SLCO1C1: variants seen among roughly 807,000 people sequenced by gnomAD.
SLCO1C1 encodes OAT-RP-5.
SLCO1C1 carries 70 observed loss-of-function variants against 76.4 expected under a neutral mutation model. The ratio of observed to expected loss-of-function variants is 0.92; its 90% CI spans 0.76 to 1.12. The LOEUF (loss-of-function observed/expected upper bound fraction) is 1.12, where lower values mean the gene tolerates loss of function less well. SLCO1C1 is among the 50% of genes most tolerant of loss of function. SLCO1C1 has a pLI of 0.00. For synonymous variants in SLCO1C1, 306 were observed against 286.1 expected, an observed-to-expected ratio of 1.07 and a Z score of -0.70; for missense variants, 912 against 823.8, an observed-to-expected ratio of 1.11 and a Z score of -1.31.
chr12:20,740,997 A>G (rs1253789795), intron 12 of SLCO1C1, among the ~76,000 whole-genome samples: 1 of 151,882 alleles, frequency 6.6e-6, no homozygotes, highest in Non-Finnish European at 1.5e-5. Context: ...ATTGACTCAC[A>G]GTTCCGCATG....
At chr12:20,728,072 G>A (rs766503112) in intron 9 of SLCO1C1, among the ~76,000 whole-genome samples, 1 of 152,142 alleles carries the variant, frequency 6.6e-6, no homozygotes, top group Admixed American at 6.5e-5. Context: ...TGAGGACAAA[G>A]ACATAAATTC....
chr12:20,746,783 T>C (rs972130591), intron 13 of SLCO1C1, among the ~76,000 whole-genome samples: 2 of 151,214 alleles, frequency 1.3e-5, no homozygotes, highest in African/African-American at 4.8e-5. Flanking sequence ...AAATCCAGAA[T>C]GTGGCATATC....
intron 11 of SLCO1C1, among the ~76,000 whole-genome samples, chr12:20,738,682 AG>A (rs533256983): frequency 7.2e-5 from 11 of 152,096 alleles, no homozygotes; most frequent in Non-Finnish European, 1.3e-4. Flanking sequence ...AGCTGCATGA[AG>A]GTTTTTTTGT....
In SLCO1C1 at chr12:20,721,524, A is replaced by G. The variant is rs140431456; in HGVS notation, c.776-280A>G. ...AATGCTGTTGCATACTTAATAGACT[A>G]CAGTATAGTTAAACATAACTTTTGT... On this transcript the variant is annotated intron_variant, in intron 7 of 14. Transcript: ENST00000266509. 1.5e-3 allele frequency among the ~76,000 whole-genome samples: 226 copies of G among 152,290 alleles called. 5 individuals are homozygous for G. In the East Asian group the frequency reaches 0.031, roughly 21 times the overall value.
chr12:20,733,245 C>A, intron 10 of SLCO1C1, 141 bp downstream of exon 10: 1 of 739,558 alleles, frequency 1.4e-6, no homozygotes, highest in Non-Finnish European at 2.0e-6. Flanking sequence ...GAATAACTGA[C>A]AATACCTAGA....
intron 5 of SLCO1C1, among the ~76,000 whole-genome samples, chr12:20,712,053 C>T (rs1467581897): frequency 2.0e-5 from 3 of 152,148 alleles, no homozygotes; most frequent in African/African-American, 7.2e-5. Flanking sequence ...ATCTAAAACC[C>T]CCGTGGTCAC....
intron 4 of SLCO1C1, among the ~76,000 whole-genome samples, chr12:20,710,425 GAATC>G (rs1947031292): frequency 6.6e-6 from 1 of 151,748 alleles, no homozygotes; most frequent in African/African-American, 2.4e-5. Context: ...AATAAAATGA[GAATC>G]AAGATGATAT....
At chr12:20,707,694 C>A (rs1459223247) in intron 4 of SLCO1C1, among the ~76,000 whole-genome samples, 1 of 152,126 alleles carries the variant, frequency 6.6e-6, no homozygotes, top group Non-Finnish European at 1.5e-5. Flanking sequence ...TGTTATCAAT[C>A]CTTTTAGCTA....
chr12:20,726,029 G>A (rs1947967239), intron 9 of SLCO1C1, among the ~76,000 whole-genome samples: 1 of 152,018 alleles, frequency 6.6e-6, no homozygotes, highest in African/African-American at 2.4e-5. Context: ...TTTCACATTA[G>A]TAAGTATGGG....
At position 20,715,259 on chromosome 12, in the gene SLCO1C1, G is replaced by GT; in HGVS notation, c.651dup (p.Glu218Ter). The GT allele has an allele frequency of 6.2e-7, 1 of 1,614,040 alleles. No individual in the cohort carries two copies. The highest frequency in any genetic ancestry group is 1.1e-5 in the South Asian group (1 of 91,074). On this transcript the variant is annotated frameshift_variant, in exon 6 of 15. Transcript: ENST00000266509. LOFTEE classifies it high-confidence loss of function. Reference sequence around the variant, plus strand: ...ATTGCCTACCTGGATGATTTTGCCAGTGAAGACAATGCAGCTTTCTATATT... The same window carrying GT: ...ATTGCCTACCTGGATGATTTTGCCAGTTGAAGACAATGCAGCTTTCTATATT...
chr12:20,744,921 G>A (rs1306187979), intron 13 of SLCO1C1, among the ~76,000 whole-genome samples: 6 of 152,134 alleles, frequency 3.9e-5, no homozygotes, highest in Non-Finnish European at 7.4e-5. Context: ...GTACACACAC[G>A]TAACAGAGCT....
intron 6 of SLCO1C1, 55 bp from the exon 7 acceptor site, chr12:20,717,077 T>C: frequency 1.4e-6 from 2 of 1,459,274 alleles, no homozygotes; most frequent in Non-Finnish European, 1.9e-6. Flanking sequence ...TGTATTAATT[T>C]ATCAAAGTAA....
intron 4 of SLCO1C1, among the ~76,000 whole-genome samples, chr12:20,710,248 C>T (rs1211839560): frequency 2.2e-5 from 3 of 139,020 alleles, no homozygotes; most frequent in Admixed American, 7.3e-5. Context: ...CGCTCTGTCG[C>T]CCAGGCTGGA....
intron 10 of SLCO1C1, among the ~76,000 whole-genome samples, chr12:20,735,900 G>C (rs1029385860): frequency 3.3e-5 from 5 of 152,104 alleles, no homozygotes; most frequent in Non-Finnish European, 7.3e-5. Flanking sequence ...TGGACATATG[G>C]GAGTGAATAC....
At position 20,743,306 on chromosome 12, in the gene SLCO1C1, T is replaced by C; in HGVS notation, c.1735T>C (p.Cys579Arg). 1.2e-6 allele frequency: 2 copies of C among 1,612,350 alleles called. No individual in the cohort carries two copies. Among genetic ancestry groups the C allele is most frequent in the Non-Finnish European group, 1.7e-6 (2 of 1,178,960 alleles). Residue 579 changes from cysteine (C) to arginine (R), a missense_variant and splice_region_variant, in exon 13 of 15, where the codon TGC becomes CGC. By Grantham distance (180) the Cys-to-Arg change is radical. Transcript: ENST00000266509. ...GIPGYILLLR[C>R]IKPQLKSFAL... ...TAATGGTGCTTTTGTTGATTTTAGGTGCATTAAGCCACAGCTTAAGTCTTT... is the reference window on the plus strand; with the variant it reads ...TAATGGTGCTTTTGTTGATTTTAGGCGCATTAAGCCACAGCTTAAGTCTTT...
intron 14 of SLCO1C1, among the ~76,000 whole-genome samples, chr12:20,751,528 C>A (rs901698801): frequency 6.6e-6 from 1 of 152,072 alleles, no homozygotes; most frequent in Admixed American, 6.6e-5. Context: ...ATTGGGCACA[C>A]CATTTTGAAT....
chr12:20,730,354 T>A (rs1052240099), intron 9 of SLCO1C1, among the ~76,000 whole-genome samples: 2 of 152,074 alleles, frequency 1.3e-5, no homozygotes, highest in Admixed American at 1.3e-4. Context: ...ATCAAATTCA[T>A]AGCAGCACTT....
At chr12:20,701,558 T>A in intron 3 of SLCO1C1, 99 bp downstream of exon 3, 5 of 944,442 alleles carry the variant, frequency 5.3e-6, no homozygotes, top group Non-Finnish European at 7.2e-6. Context: ...GGGATCAGAC[T>A]CTATTCATAA....
chr12:20,715,656 C>G (rs192531373), intron 6 of SLCO1C1, among the ~76,000 whole-genome samples: 1 of 151,764 alleles, frequency 6.6e-6, no homozygotes. Flanking sequence ...TCCTTGAGCC[C>G]TAGCTTTCCA....
Sources: gnomAD v4.1 joint callset for allele counts (sites outside exome capture counted in the v4.1 genomes callset) on GRCh38, gnomAD v4.1.1 for gene constraint, MANE v1.5 for transcripts, NCBI Gene and HGNC (gene_info 2026-07-23, HGNC 2026-07-21) for gene names.